Variants in SLC9A4 observed in about 807,000 individuals in gnomAD.
SLC9A4 encodes sodium/hydrogen exchanger 4.
A neutral mutation model predicts 67.4 loss-of-function variants in SLC9A4; 63 were observed. The observed-to-expected ratio is 0.93, with a 90% CI of 0.76 to 1.15. SLC9A4 has a LOEUF of 1.15. Ranked by LOEUF, SLC9A4 falls within the 50% of genes most tolerant of loss-of-function variation. The pLI, the probability that SLC9A4 is intolerant of heterozygous loss-of-function variation, is 0.00. For synonymous variants in SLC9A4, 393 were observed against 367.2 expected (o/e 1.07, Z -0.80); for missense variants, 1,089 against 987.7 (o/e 1.10, Z -1.38).
At chr2:102,514,617 C>T (rs984923034) in intron 8 of SLC9A4, among the ~76,000 whole-genome samples, 1 of 152,186 alleles carries the variant, frequency 6.6e-6, no homozygotes, top group African/African-American at 2.4e-5. Context: ...TATGTTTCTT[C>T]CCATAAGCCA....
At chr2:102,475,227 A>G (rs1684302852) in intron 1 of SLC9A4, among the ~76,000 whole-genome samples, 1 of 152,246 alleles carries the variant, frequency 6.6e-6, no homozygotes, top group Non-Finnish European at 1.5e-5. Context: ...TCAGTTCAGA[A>G]CAGTCTAACA....
intron 2 of SLC9A4, among the ~76,000 whole-genome samples, chr2:102,491,051 G>A (rs1278311056): frequency 6.6e-6 from 1 of 152,078 alleles, no homozygotes; most frequent in African/African-American, 2.4e-5. Flanking sequence ...ACTCTCTCTT[G>A]TAATTCTTTC....
At chr2:102,476,842 T>A (rs1175429048) in intron 1 of SLC9A4, among the ~76,000 whole-genome samples, 1 of 151,664 alleles carries the variant, frequency 6.6e-6, no homozygotes. Flanking sequence ...AAGAAATAAG[T>A]AAAATAAAGA....
At chr2:102,510,816 C>G (rs558280035) in intron 6 of SLC9A4, among the ~76,000 whole-genome samples, 4 of 152,310 alleles carry the variant, frequency 2.6e-5, no homozygotes, top group African/African-American at 9.6e-5. Context: ...ACATCCCAGT[C>G]AGGCAAAGAT....
chr2:102,512,364 G>C (rs926296208), intron 7 of SLC9A4, 91 bp downstream of exon 7: 1 of 1,416,012 alleles, frequency 7.1e-7, no homozygotes, highest in African/African-American at 1.4e-5. Flanking sequence ...AGGGAATGGA[G>C]ACCAAGAAGA....
At chr2:102,527,129 GA>G (rs1039272499) in intron 11 of SLC9A4, among the ~76,000 whole-genome samples, 3 of 152,030 alleles carry the variant, frequency 2.0e-5, no homozygotes, top group African/African-American at 7.2e-5. Context: ...ATTCAGTAGA[GA>G]AAAGCATAAA....
intron 5 of SLC9A4, 136 bp from the exon 6 acceptor site, chr2:102,508,711 T>C: frequency 1.6e-6 from 1 of 625,422 alleles, no homozygotes; most frequent in East Asian, 3.0e-5. Flanking sequence ...GAAATGAACA[T>C]TGCAGCATTT....
intron 2 of SLC9A4, among the ~76,000 whole-genome samples, chr2:102,488,227 G>C (rs1186382426): frequency 6.6e-6 from 1 of 152,050 alleles, no homozygotes; most frequent in African/African-American, 2.4e-5. Flanking sequence ...TGGGTGTGTT[G>C]GGCTGCAGTG....
chr2:102,511,469 G>A lies in SLC9A4; in HGVS notation c.1489-734G>A, dbSNP rs1685161496. Among the ~76,000 whole-genome samples, 3 of 151,920 alleles carry A rather than the reference G, an allele frequency of 2.0e-5. No homozygotes were observed. The South Asian group carries it at 6.2e-4, about 31-fold the overall frequency. On this transcript the variant is annotated intron_variant, in intron 6 of 11. Coordinates refer to ENST00000295269, the MANE Select transcript of SLC9A4 (RefSeq NM_001011552.4). ...GTTATAATTTTTGGTAGAAGGTAGT[G>A]AATTAATTATTTAATAATTAATTTA... is the stretch of plus-strand genomic sequence containing the variant.
At chr2:102,487,790 A>G (rs879518741) in intron 2 of SLC9A4, among the ~76,000 whole-genome samples, 5 of 152,218 alleles carry the variant, frequency 3.3e-5, no homozygotes, top group African/African-American at 1.2e-4. Flanking sequence ...GCAGCTATGG[A>G]AATGGATTTG....
At position 102,473,681 on chromosome 2, in the gene SLC9A4, T is replaced by C. The variant is rs1475303209; in HGVS notation, c.-79T>C. The C allele has an allele frequency of 2.6e-5, 41 of 1,550,476 alleles. No individual in the cohort carries two copies. Among genetic ancestry groups the C allele is most frequent in the Non-Finnish European group, 3.2e-5 (37 of 1,150,890 alleles). The stretch of plus-strand genomic sequence containing the variant: ...TTACTTTTGACCCAGGTGGATGCAG[T>C]CACTCTCTAGAAGCCTCCCCGACTT... On this transcript the variant is annotated 5_prime_UTR_variant, in exon 1 of 12. Coordinates refer to ENST00000295269, the MANE Select transcript of SLC9A4 (RefSeq NM_001011552.4).
In SLC9A4 at chr2:102,533,487, T is replaced by TATG. The variant is rs1674822149; in HGVS notation, c.*801_*802insGAT. ...CTAGGGTATAAAACTATTTTTCTTT[T>TATG]ATTATTATTATTATTATTATTATAC... is the stretch of plus-strand genomic sequence containing the variant. On this transcript the variant is annotated 3_prime_UTR_variant, in exon 12 of 12. Transcript: ENST00000295269. The TATG allele has an allele frequency of 6.8e-6, 1 of 147,362 alleles. No individual in the cohort carries two copies. Among genetic ancestry groups the TATG allele is most frequent in the African/African-American group, 2.6e-5 (1 of 38,214 alleles). The allele number at this position is 147,362 out of a possible 1,614,324, so 9.1% of individuals were successfully genotyped here. A position where few individuals can be genotyped will look rare whatever the true frequency, so the allele number is the denominator to read the frequency against.
chr2:102,511,341 A>G (rs944422656), intron 6 of SLC9A4, among the ~76,000 whole-genome samples: 11 of 152,216 alleles, frequency 7.2e-5, no homozygotes, highest in Admixed American at 7.2e-4. Context: ...ATCTATCTTT[A>G]TCTCCTATGA....
At chr2:102,494,702 T>G (rs1481960063) in intron 2 of SLC9A4, among the ~76,000 whole-genome samples, 2 of 151,866 alleles carry the variant, frequency 1.3e-5, no homozygotes, top group Non-Finnish European at 2.9e-5. Context: ...TTAATATCAG[T>G]TAAAAGACAT....
At chr2:102,512,336 T>C (rs573714197) in intron 7 of SLC9A4, 63 bp downstream of exon 7, 12 of 1,564,708 alleles carry the variant, frequency 7.7e-6, no homozygotes, top group East Asian at 2.3e-5. Context: ...AAGCTGGGCA[T>C]AAAATCAGAG....
intron 10 of SLC9A4, among the ~76,000 whole-genome samples, chr2:102,525,515 G>T (rs549326881): frequency 6.6e-6 from 1 of 151,478 alleles, no homozygotes; most frequent in Admixed American, 6.5e-5. Flanking sequence ...GTCTGGACCA[G>T]ACCCTCTGAT....
At chr2:102,508,017 C>T in intron 4 of SLC9A4, 62 bp from the exon 5 acceptor site, 1 of 1,535,374 alleles carries the variant, frequency 6.5e-7, no homozygotes, top group Non-Finnish European at 9.0e-7. Context: ...CCTCAGTTCA[C>T]TAGCTCTGTA....
At chr2:102,496,854 G>A (rs1684820296) in intron 2 of SLC9A4, among the ~76,000 whole-genome samples, 2 of 152,204 alleles carry the variant, frequency 1.3e-5, no homozygotes, top group African/African-American at 4.8e-5. Context: ...TCATCATGGT[G>A]GATTAGCATC....
At chr2:102,503,858 T>G in intron 3 of SLC9A4, 151 bp downstream of exon 3, 2 of 1,089,494 alleles carry the variant, frequency 1.8e-6, no homozygotes, top group Non-Finnish European at 2.6e-6. Context: ...TTATGAAACC[T>G]GATTCGGGTT....
Sources: gnomAD v4.1 joint callset for allele counts (sites outside exome capture counted in the v4.1 genomes callset) on GRCh38, gnomAD v4.1.1 for gene constraint, MANE v1.5 for transcripts, NCBI Gene and HGNC (gene_info 2026-07-23, HGNC 2026-07-21) for gene names.